NBEAL1: variants seen among roughly 807,000 people sequenced by gnomAD.
NBEAL1 encodes the protein neurobeachin-like protein 1.
NBEAL1 carries 273 observed loss-of-function variants against 351.3 expected under a neutral mutation model. The ratio of observed to expected loss-of-function variants is 0.78; its 90% confidence interval spans 0.70 to 0.86. The LOEUF (loss-of-function observed/expected upper bound fraction) is 0.86, where lower values mean the gene tolerates loss of function less well. Among genes scored for constraint, NBEAL1 ranks in the 40% least tolerant of loss-of-function variants. The probability of loss-of-function intolerance (pLI) is 0.00; values close to 1 mark genes in which losing one functional copy is unlikely to be tolerated. For synonymous variants in NBEAL1, 1,050 were observed against 1,086.4 expected, an observed-to-expected ratio of 0.97 and a Z score of 0.66; for missense variants, 2,961 against 3,201.3, an observed-to-expected ratio of 0.92 and a Z score of 1.81.
At chr2:203,212,829 G>A (rs867118429) in intron 54 of NBEAL1, among the ~76,000 whole-genome samples, 52 of 152,080 alleles carry the variant, frequency 3.4e-4, no homozygotes, top group African/African-American at 1.2e-3. Context: ...GGAGATGGAG[G>A]TAGGCAATAT....
At chr2:203,151,412 T>C (rs2063648382) in intron 34 of NBEAL1, 53 bp from the exon 35 acceptor site, 3 of 1,321,106 alleles carry the variant, frequency 2.3e-6, no homozygotes, top group Non-Finnish European at 3.1e-6. Flanking sequence ...AATCAAACAA[T>C]CTTTGTAACT....
At chr2:203,190,055 G>T (rs1252870428) in intron 45 of NBEAL1, among the ~76,000 whole-genome samples, 2 of 151,252 alleles carry the variant, frequency 1.3e-5, no homozygotes, top group Admixed American at 1.3e-4. Context: ...AGAATTGTTT[G>T]AACCCAGGAG....
intron 2 of NBEAL1, among the ~76,000 whole-genome samples, chr2:203,017,432 A>G (rs1010803190): frequency 1.3e-5 from 2 of 152,324 alleles, no homozygotes; most frequent in South Asian, 4.1e-4. Flanking sequence ...TATAATTGCT[A>G]AAGGACATAC....
chr2:203,200,673 G>A (rs543902659), intron 49 of NBEAL1, among the ~76,000 whole-genome samples: 12 of 151,476 alleles, frequency 7.9e-5, no homozygotes, highest in East Asian at 1.9e-4. Context: ...CAGCCTGGAC[G>A]ACAGAGCAAG....
intron 8 of NBEAL1, among the ~76,000 whole-genome samples, chr2:203,078,936 A>G (rs562743326): frequency 1.3e-5 from 2 of 152,230 alleles, no homozygotes; most frequent in Non-Finnish European, 2.9e-5. Flanking sequence ...TAAAAAAGCT[A>G]TAACAGCAAG....
chr2:203,093,778 G>A (rs1270748840), intron 10 of NBEAL1, among the ~76,000 whole-genome samples: 1 of 152,114 alleles, frequency 6.6e-6, no homozygotes, highest in African/African-American at 2.4e-5. Context: ...AACTTAGAGG[G>A]TGAAGGTTGC....
At chr2:203,029,780 T>C (rs1435986280) in intron 2 of NBEAL1, among the ~76,000 whole-genome samples, 1 of 152,252 alleles carries the variant, frequency 6.6e-6, no homozygotes, top group Admixed American at 6.5e-5. Context: ...AAGCCTATTT[T>C]GTATATATAC....
At chr2:203,115,153 G>A (rs1297228618) in intron 17 of NBEAL1, among the ~76,000 whole-genome samples, 1 of 145,938 alleles carries the variant, frequency 6.9e-6, no homozygotes, top group Non-Finnish European at 1.5e-5. Context: ...TTTGGACAGA[G>A]TTTTGCTCTT....
chr2:203,138,491 C>T (rs919489075), intron 30 of NBEAL1, 129 bp from the exon 31 acceptor site: 1 of 1,093,404 alleles, frequency 9.1e-7, no homozygotes, highest in Non-Finnish European at 1.3e-6. Context: ...ATTCTTTTGG[C>T]TTTTGTCAAC....
At chr2:203,114,661 T>A (rs1035419640) in intron 17 of NBEAL1, among the ~76,000 whole-genome samples, 1 of 152,226 alleles carries the variant, frequency 6.6e-6, no homozygotes, top group African/African-American at 2.4e-5. Flanking sequence ...TAAATATCTT[T>A]TTTAGATTGC....
intron 10 of NBEAL1, among the ~76,000 whole-genome samples, chr2:203,093,721 G>A (rs2062118312): frequency 6.6e-6 from 1 of 152,158 alleles, no homozygotes; most frequent in South Asian, 2.1e-4. Context: ...GGGCATGGTG[G>A]CACACCTCTG....
intron 51 of NBEAL1, among the ~76,000 whole-genome samples, chr2:203,203,189 T>C (rs1319758595): frequency 6.6e-6 from 1 of 152,118 alleles, no homozygotes; most frequent in Non-Finnish European, 1.5e-5. Context: ...CTTTTCTTTT[T>C]TTTTTGAGAT....
At chr2:203,097,774 T>G (rs1559363315) in intron 11 of NBEAL1, 141 bp downstream of exon 11, 2 of 204,220 alleles carry the variant, frequency 9.8e-6, no homozygotes, top group Non-Finnish European at 1.7e-5. Context: ...TTTTGAAAAT[T>G]ACTAAAAAGT....
intron 18 of NBEAL1, among the ~76,000 whole-genome samples, chr2:203,119,412 T>A (rs1313592187): frequency 7.0e-6 from 1 of 143,578 alleles, no homozygotes; most frequent in South Asian, 2.3e-4. Context: ...AGCCACTGCA[T>A]ACGGCCTGTT....
chr2:203,020,774 T>C (rs1196684884), intron 2 of NBEAL1, among the ~76,000 whole-genome samples: 2 of 152,178 alleles, frequency 1.3e-5, no homozygotes, highest in African/African-American at 4.8e-5. Flanking sequence ...TAACAGCACA[T>C]TTCTTATAGC....
intron 38 of NBEAL1, 145 bp from the exon 39 acceptor site, chr2:203,169,602 T>C (rs1047434426): frequency 1.1e-5 from 5 of 451,510 alleles, no homozygotes; most frequent in African/African-American, 1.1e-4. Flanking sequence ...ACAGAGACTG[T>C]CTCAACAAAA....
intron 27 of NBEAL1, among the ~76,000 whole-genome samples, chr2:203,135,169 C>CAA (rs780103072): frequency 3.6e-4 from 32 of 87,822 alleles, no homozygotes; most frequent in South Asian, 7.6e-4. Context: ...GACCCTGTCT[C>CAA]AAAAAAAAAA....
At chr2:203,174,494 A>G (rs1197554356) in intron 41 of NBEAL1, among the ~76,000 whole-genome samples, 2 of 152,120 alleles carry the variant, frequency 1.3e-5, no homozygotes, top group Non-Finnish European at 2.9e-5. Context: ...AATTTGTGTT[A>G]ATTATCTCTG....
At chr2:203,041,709 G>A (rs1051136603) in intron 2 of NBEAL1, 56 bp from the exon 3 acceptor site, 3 of 1,193,514 alleles carry the variant, frequency 2.5e-6, no homozygotes, top group African/African-American at 3.1e-5. Flanking sequence ...AGGTGTAGAA[G>A]CATTTTTTTT....
Sources: gnomAD v4.1 joint callset for allele counts (sites outside exome capture counted in the v4.1 genomes callset) on GRCh38, gnomAD v4.1.1 for gene constraint, MANE v1.5 for transcripts, NCBI Gene and HGNC (gene_info 2026-07-23, HGNC 2026-07-21) for gene names.